The following TCHP variants were observed in gnomAD, a reference collection of about 807,000 sequenced individuals.
TCHP encodes trichoplein keratin filament-binding protein.
TCHP carries 81 observed loss-of-function variants against 88.7 expected under a neutral mutation model. The observed-to-expected ratio is 0.91, with a 90% CI of 0.76 to 1.10. The LOEUF (loss-of-function observed/expected upper bound fraction) is 1.10, where lower values mean the gene tolerates loss of function less well. Among genes scored for constraint, TCHP ranks in the 50% least tolerant of loss-of-function variants. TCHP has a pLI of 0.00. For missense variants in TCHP, 641 were observed against 632.1 expected (o/e 1.01, Z -0.15); for synonymous variants, 232 against 232.5 (o/e 1.00, Z 0.02).
chr12:109,887,531 C>A, the TCHP span, among the ~76,000 whole-genome samples: 1 of 152,056 alleles, frequency 6.6e-6, no homozygotes, highest in Admixed American at 6.6e-5. Flanking sequence ...CCTTCTCCTG[C>A]AGTGAGAAAC....
intron 8 of TCHP, among the ~76,000 whole-genome samples, chr12:109,909,686 C>T (rs959671567): frequency 6.6e-6 from 1 of 152,112 alleles, no homozygotes; most frequent in Non-Finnish European, 1.5e-5. Flanking sequence ...CGGACATGGC[C>T]GGGCGTGGCG....
chr12:109,906,453 C>T, intron 4 of TCHP, 119 bp from the exon 5 acceptor site: 1 of 819,646 alleles, frequency 1.2e-6, no homozygotes, highest in South Asian at 1.5e-5. Flanking sequence ...CCACTGAGTC[C>T]CCATGAAGCG....
At position 109,904,726 on chromosome 12, in the gene TCHP, T is replaced by C; in HGVS notation, c.400-11T>C. 6.2e-7 allele frequency: 1 copy of C among 1,609,338 alleles called. No individual in the cohort carries two copies. Among genetic ancestry groups the C allele is most frequent in the Non-Finnish European group, 8.5e-7 (1 of 1,178,792 alleles). ...TGACATCAGGCTTTCCATTTTGTGTTTTCTTGATAGATTGCTGAACAACTT... is the reference window on the plus strand; with the variant it reads ...TGACATCAGGCTTTCCATTTTGTGTCTTCTTGATAGATTGCTGAACAACTT... On this transcript the variant is annotated splice_polypyrimidine_tract_variant and intron_variant, in intron 3 of 12. Coordinates refer to ENST00000405876, the MANE Select transcript of TCHP (RefSeq NM_001143852.2).
At chr12:109,901,511 A>G (rs1368389296) in intron 1 of TCHP, among the ~76,000 whole-genome samples, 1 of 152,200 alleles carries the variant, frequency 6.6e-6, no homozygotes, top group African/African-American at 2.4e-5. Flanking sequence ...ATCTCAACAT[A>G]TCAAAGAGTC....
At chr12:109,895,549 G>A (rs943041025), upstream of TCHP, among the ~76,000 whole-genome samples, 1 of 151,922 alleles carries the variant, frequency 6.6e-6, no homozygotes, top group African/African-American at 2.4e-5. Context: ...CACAAAGCTG[G>A]GGCTCTGAGA....
At chr12:109,906,714 C>T (rs1271248749) in intron 5 of TCHP, 74 bp downstream of exon 5, 32 of 1,297,764 alleles carry the variant, frequency 2.5e-5, no homozygotes, top group Non-Finnish European at 3.3e-5. Flanking sequence ...ATTCGTTTAC[C>T]GTTTTCAGCA....
At chr12:109,904,595 G>A in intron 3 of TCHP, 142 bp from the exon 4 acceptor site, 1 of 680,880 alleles carries the variant, frequency 1.5e-6, no homozygotes, top group Non-Finnish European at 2.5e-6. Flanking sequence ...TGCATGTGAA[G>A]CATGAGGGTT....
chr12:109,882,203 T>C, the TCHP span, among the ~76,000 whole-genome samples: 1 of 151,774 alleles, frequency 6.6e-6, no homozygotes, highest in Admixed American at 6.6e-5. Context: ...AGAGGAGAAG[T>C]AGGATAGAGC....
rs764677457 is a variant in TCHP, at chr12:109,904,748, A to G, written c.411A>G (p.Gln137=). 41 of 1,612,350 alleles carry G rather than the reference A, an allele frequency of 2.5e-5. No individual in the cohort carries two copies. The highest frequency in any genetic ancestry group is 3.4e-5 in the Non-Finnish European group (40 of 1,179,620). ...TGTTTTCTTGATAGATTGCTGAACAACTTTTGTACGAACACTGGAAAAAGA... is the reference window on the plus strand; with the variant it reads ...TGTTTTCTTGATAGATTGCTGAACAGCTTTTGTACGAACACTGGAAAAAGA... The part of the protein sequence containing the change: ...KEEQRKLIAE[Q]LLYEHWKKNN... The change falls in exon 4 of 13, where the codon CAA becomes CAG. Residue 137 remains glutamine, a synonymous_variant. Transcript: ENST00000405876.
At chr12:109,906,781 G>A (rs1490406974) in intron 5 of TCHP, 141 bp downstream of exon 5, 4 of 674,318 alleles carry the variant, frequency 5.9e-6, no homozygotes, top group Non-Finnish European at 1.0e-5. Flanking sequence ...CTTGACACAT[G>A]TGAAAACTGA....
At chr12:109,891,800 C>T in the TCHP span, among the ~76,000 whole-genome samples, 1 of 151,856 alleles carries the variant, frequency 6.6e-6, no homozygotes, top group African/African-American at 2.4e-5. Flanking sequence ...AACTCTGCCT[C>T]TCAGGTTCAA....
chr12:109,914,745 GT>G, intron 11 of TCHP, 118 bp downstream of exon 11: 1 of 785,156 alleles, frequency 1.3e-6, no homozygotes, highest in Admixed American at 2.8e-5. Context: ...TGAGAGCACG[GT>G]GCTCCCGTTT....
At chr12:109,913,608 A>T (rs967020769) in intron 10 of TCHP, among the ~76,000 whole-genome samples, 2 of 152,176 alleles carry the variant, frequency 1.3e-5, no homozygotes, top group African/African-American at 4.8e-5. Flanking sequence ...GACCTGGAGG[A>T]CATAACTGCT....
chr12:109,911,189 C>A lies in TCHP; in HGVS notation c.1006C>A (p.Leu336Met). 1 of 1,590,536 alleles carries A rather than the reference C, an allele frequency of 6.3e-7. No individual in the cohort carries two copies. Among genetic ancestry groups the A allele is most frequent in the Non-Finnish European group, 8.5e-7 (1 of 1,171,088 alleles). Residue 336 changes from leucine (L) to methionine (M), a missense_variant, in exon 9 of 13, where the codon CTG becomes ATG. Coordinates refer to ENST00000405876, the MANE Select transcript of TCHP (RefSeq NM_001143852.2). ...AWMKQAIEEQ[L>M]QLERAREAEL... is the part of the protein sequence containing the mutation. ...GATGAAGCAGGCCATTGAGGAGCAGCTGCAGCTGGAGCGGGCGCGGGAGGC... is the reference window on the plus strand; with the variant it reads ...GATGAAGCAGGCCATTGAGGAGCAGATGCAGCTGGAGCGGGCGCGGGAGGC...
upstream of TCHP, among the ~76,000 whole-genome samples, chr12:109,899,172 T>G (rs1157690440): frequency 6.6e-6 from 1 of 151,552 alleles, no homozygotes; most frequent in African/African-American, 2.4e-5. Context: ...AATGGAGAAA[T>G]GAAGGGAAGA....
At chr12:109,882,647 ATTTTTTTTTTTT>A in the TCHP span, among the ~76,000 whole-genome samples, 4 of 80,198 alleles carry the variant, frequency 5.0e-5, no homozygotes, top group African/African-American at 1.8e-4. Flanking sequence ...AAGAGTTTGG[ATTTTTTTTTTTT>A]TTTTTTTTTT....
At chr12:109,898,059 T>C (rs1869608809), upstream of TCHP, among the ~76,000 whole-genome samples, 2 of 152,260 alleles carry the variant, frequency 1.3e-5, no homozygotes, top group African/African-American at 4.8e-5. Flanking sequence ...ATGCACGCAG[T>C]GGGACAGACC....
At chr12:109,904,605 T>C (rs1473854291) in intron 3 of TCHP, 132 bp from the exon 4 acceptor site, 1 of 715,412 alleles carries the variant, frequency 1.4e-6, no homozygotes, top group African/African-American at 1.8e-5. Context: ...GCATGAGGGT[T>C]TGAACAGTGG....
the TCHP span, chr12:109,887,795 A>T: frequency 6.6e-6 from 1 of 152,428 alleles, no homozygotes; most frequent in Non-Finnish European, 1.5e-5. Context: ...TTGTTTAGAA[A>T]CGGAATCTCA....
Sources: allele counts gnomAD v4.1 joint callset (sites outside exome capture counted in the v4.1 genomes callset), GRCh38; gene constraint gnomAD v4.1.1; transcripts MANE v1.5; gene names NCBI Gene and HGNC (gene_info 2026-07-23, HGNC 2026-07-21).